The following JMJD1C variants were observed in gnomAD, a reference collection of about 807,000 sequenced individuals.
The protein encoded by JMJD1C is jumonji domain containing 1C.
In JMJD1C, 31 loss-of-function variants were observed where a neutral mutation model predicts 245.3. That is an observed-to-expected ratio of 0.13 (90% confidence interval 0.09 to 0.17). The LOEUF is 0.17. JMJD1C is among the 10% of genes least tolerant of loss of function. The pLI is 1.00. For missense variants in JMJD1C, 2,691 were observed against 3,000.2 expected (o/e 0.90, Z 2.41); for synonymous variants, 1,057 against 1,017.4 (o/e 1.04, Z -0.74).
chr10:63,279,917 G>T (rs549357576), intron 2 of JMJD1C, among the ~76,000 whole-genome samples: 1 of 152,084 alleles, frequency 6.6e-6, no homozygotes, highest in Non-Finnish European at 1.5e-5. Context: ...TTGGGAGGCC[G>T]AAGTGGGTGA....
At chr10:63,345,522 A>G (rs536844117) in intron 2 of JMJD1C, among the ~76,000 whole-genome samples, 1 of 151,820 alleles carries the variant, frequency 6.6e-6, no homozygotes, top group African/African-American at 2.4e-5. Context: ...AAAGGAACAA[A>G]CTACCAATCT....
chr10:63,181,956 TACCTATTATAG>T (rs777488141), intron 22 of JMJD1C, among the ~76,000 whole-genome samples: 2 of 152,220 alleles, frequency 1.3e-5, no homozygotes, highest in Non-Finnish European at 2.9e-5. Flanking sequence ...TAGGGGTGGT[TACCTATTATAG>T]TCAATAGTGT....
chr10:63,201,392 T>C (rs1228774148), intron 10 of JMJD1C, among the ~76,000 whole-genome samples: 4 of 151,978 alleles, frequency 2.6e-5, no homozygotes, highest in Non-Finnish European at 5.9e-5. Flanking sequence ...TGAATTAAAA[T>C]AGCCATCAAA....
intron 2 of JMJD1C, among the ~76,000 whole-genome samples, chr10:63,377,163 C>T (rs949842021): frequency 6.6e-6 from 1 of 152,060 alleles, no homozygotes; most frequent in Middle Eastern, 3.4e-3. Flanking sequence ...GAAATGAGCC[C>T]GTTACAAAAG....
chr10:63,426,076 T>A (rs1023430760), intron 1 of JMJD1C, among the ~76,000 whole-genome samples: 60 of 152,180 alleles, frequency 3.9e-4, no homozygotes, highest in Non-Finnish European at 7.3e-5. Flanking sequence ...TGTGACACAA[T>A]GCATTTAAGA....
chr10:63,250,310 C>T (rs1852884186), intron 3 of JMJD1C, among the ~76,000 whole-genome samples: 1 of 152,050 alleles, frequency 6.6e-6, no homozygotes, highest in South Asian at 2.1e-4. Flanking sequence ...AGCCACTGCA[C>T]CAAGCCAAAA....
chr10:63,356,499 C>G (rs945187609), intron 2 of JMJD1C, among the ~76,000 whole-genome samples: 2 of 152,176 alleles, frequency 1.3e-5, no homozygotes, highest in African/African-American at 4.8e-5. Context: ...ACCGGACCCT[C>G]AAGGTTAGCA....
chr10:63,380,270 T>G (rs1277650111), intron 2 of JMJD1C, 48 bp downstream of exon 2: 3 of 1,593,400 alleles, frequency 1.9e-6, no homozygotes, highest in Non-Finnish European at 2.6e-6. Flanking sequence ...TGTTCTTTGT[T>G]TTAAACGAAC....
intron 1 of JMJD1C, among the ~76,000 whole-genome samples, chr10:63,416,266 T>C (rs1169052423): frequency 6.6e-6 from 1 of 151,168 alleles, no homozygotes; most frequent in Non-Finnish European, 1.5e-5. Flanking sequence ...CAAACCCTAA[T>C]AACAATTAAC....
At position 63,215,464 on chromosome 10, in the gene JMJD1C, A is replaced by G. The variant is rs763337176; in HGVS notation, c.823-9T>C. 13 of 1,613,958 alleles carry G rather than the reference A, an allele frequency of 8.1e-6. No homozygotes were observed. Among genetic ancestry groups the G allele is most frequent in the Non-Finnish European group, 1.0e-5 (12 of 1,179,866 alleles). On this transcript the variant is annotated splice_polypyrimidine_tract_variant and intron_variant, in intron 6 of 25. Coordinates refer to ENST00000399262, the MANE Select transcript of JMJD1C (RefSeq NM_032776.3). ...GCACGTGTATAATGGCTCTAAAAAT[A>G]ACCAATTAACAGTAATTGTTTACTA...
chr10:63,190,139 G>A (rs1485605947), intron 17 of JMJD1C, among the ~76,000 whole-genome samples: 1 of 146,658 alleles, frequency 6.8e-6, no homozygotes, highest in African/African-American at 2.5e-5. Context: ...GACCTCAGGT[G>A]GTCTGCCCAC....
chr10:63,499,297 ATT>A (rs1954462696), intron 1 of JMJD1C, among the ~76,000 whole-genome samples: 1 of 152,118 alleles, frequency 6.6e-6, no homozygotes, highest in Non-Finnish European at 1.5e-5. Context: ...CCTTCATACT[ATT>A]TTCCATAGCA....
At chr10:63,510,586 G>C (rs1045383591) in intron 1 of JMJD1C, among the ~76,000 whole-genome samples, 42 of 152,140 alleles carry the variant, frequency 2.8e-4, no homozygotes, top group Non-Finnish European at 2.9e-5. Flanking sequence ...TCTCTAGTTT[G>C]TTAAGGTTTG....
At chr10:63,361,934 T>G (rs1283399685) in intron 2 of JMJD1C, among the ~76,000 whole-genome samples, 4 of 144,972 alleles carry the variant, frequency 2.8e-5, no homozygotes, top group African/African-American at 1.2e-4. Context: ...TACTGGCTTT[T>G]TAAAAATCAC....
intron 2 of JMJD1C, chr10:63,372,874 G>A (rs1008864869): frequency 1.2e-5 from 2 of 168,644 alleles, no homozygotes; most frequent in African/African-American, 2.4e-5. Flanking sequence ...GGTTATATAG[G>A]AGCACTGGTT....
chr10:63,486,515 G>C lies in JMJD1C; in HGVS notation n.113+35223C>G, dbSNP rs138196474. Among the ~76,000 whole-genome samples the C allele has an allele frequency of 3.2e-3, 491 of 152,182 alleles. 2 individuals carry two copies. The highest frequency in any genetic ancestry group is 0.011 in the African/African-American group (476 of 41,494). On this transcript the variant is annotated intron_variant and non_coding_transcript_variant, in intron 1 of 3. Coordinates refer to the JMJD1C transcript ENST00000633035. ...GAAATAATTCAGTCTATTGAAATAA[G>C]CTTAATTTATCTCTTCCTGTAACTT...
chr10:63,417,629 A>G (rs1241001862), intron 1 of JMJD1C, among the ~76,000 whole-genome samples: 2 of 152,202 alleles, frequency 1.3e-5, no homozygotes, highest in Non-Finnish European at 2.9e-5. Context: ...TCATTTAAAA[A>G]TATGGTGAAA....
At chr10:63,229,875 T>C (rs1361071546) in intron 3 of JMJD1C, among the ~76,000 whole-genome samples, 1 of 152,202 alleles carries the variant, frequency 6.6e-6, no homozygotes, top group African/African-American at 2.4e-5. Context: ...CACACTGATC[T>C]AAAGAAAGCA....
intron 1 of JMJD1C, among the ~76,000 whole-genome samples, chr10:63,413,495 G>A (rs2132679936): frequency 6.6e-6 from 1 of 152,202 alleles, no homozygotes; most frequent in South Asian, 2.1e-4. Flanking sequence ...AAAATTGTGG[G>A]CAACTACTGG....
Sources: allele counts gnomAD v4.1 joint callset (sites outside exome capture counted in the v4.1 genomes callset), GRCh38; gene constraint gnomAD v4.1.1; transcripts MANE v1.5; gene names NCBI Gene and HGNC (gene_info 2026-07-23, HGNC 2026-07-21).